The following TAS1R1 variants were observed in gnomAD, a reference collection of about 807,000 sequenced individuals.
TAS1R1 encodes taste receptor type 1 member 1.
A neutral mutation model predicts 45.8 loss-of-function variants in TAS1R1; 31 were observed. The ratio of observed to expected loss-of-function variants is 0.68; its 90% confidence interval spans 0.51 to 0.91. The LOEUF (loss-of-function observed/expected upper bound fraction) is 0.91. TAS1R1 is among the 40% of genes least tolerant of loss of function. TAS1R1 has a pLI of 0.00. For missense variants in TAS1R1, 1,051 were observed against 1,063.9 expected (o/e 0.99, Z 0.17); for synonymous variants, 437 against 448.4 (o/e 0.97, Z 0.32).
rs993023879 is a variant in TAS1R1 at position 6,574,107 on chromosome 1, T to A, written c.499-524T>A. On this transcript the variant is annotated intron_variant, in intron 2 of 5. Coordinates refer to ENST00000333172, the MANE Select transcript of TAS1R1 (RefSeq NM_138697.4). This position sits in a 1 kb window ranked among gnomAD's most constrained non-coding sequence, Gnocchi z 4.3. ...CAGATCATCAGACATTAGATTCTCATAAGTAGCGTGCAACCCAGATCCCTC... is the reference window on the plus strand; with the variant it reads ...CAGATCATCAGACATTAGATTCTCAAAAGTAGCGTGCAACCCAGATCCCTC... Among the ~76,000 whole-genome samples the A allele has an allele frequency of 5.3e-5, 8 of 152,192 alleles. No homozygotes were observed. Among genetic ancestry groups the A allele is most frequent in the Non-Finnish European group, 1.2e-4 (8 of 68,024 alleles).
intron 1 of TAS1R1, among the ~76,000 whole-genome samples, chr1:6,568,465 A>AG (rs1268861148): frequency 2.8e-4 from 43 of 151,810 alleles, no homozygotes; most frequent in South Asian, 4.2e-4. Flanking sequence ...AAAAAAGAAA[A>AG]AAAAAAAAAA....
intron 1 of TAS1R1, 76 bp downstream of exon 1, chr1:6,555,640 C>T: frequency 2.2e-6 from 3 of 1,366,568 alleles, no homozygotes; most frequent in Non-Finnish European, 3.0e-6. Flanking sequence ...ATCCTCCAAA[C>T]AGGACCTTGC....
intron 3 of TAS1R1, among the ~76,000 whole-genome samples, chr1:6,576,031 TG>T (rs1437399596): frequency 6.6e-6 from 1 of 151,916 alleles, no homozygotes; most frequent in Non-Finnish European, 1.5e-5. Flanking sequence ...GGTTTCACCA[TG>T]TTGGCCAGGC....
At chr1:6,573,720 T>A (rs1391143480) in intron 2 of TAS1R1, among the ~76,000 whole-genome samples, 6 of 151,988 alleles carry the variant, frequency 3.9e-5, no homozygotes, top group Non-Finnish European at 8.8e-5. Flanking sequence ...TGGAGTGCAG[T>A]GGCGCGATCT....
rs1640117486 is a variant in TAS1R1, at chr1:6,574,863, T to A, written c.731T>A (p.Ile244Asn). The A allele has an allele frequency of 6.2e-7, 1 of 1,614,140 alleles. No individual in the cohort carries two copies. The highest frequency in any genetic ancestry group is 1.1e-5 in the South Asian group (1 of 91,092). ...GGGATCTGCATTGCTTTCAAGGACATCATGCCCTTCTCTGCCCAGGTGGGC... is the reference window on the plus strand; with the variant it reads ...GGGATCTGCATTGCTTTCAAGGACAACATGCCCTTCTCTGCCCAGGTGGGC... ...GQGICIAFKD[I>N]MPFSAQVGDE... is the part of the protein sequence containing the mutation. The change falls in exon 3 of 6, where the codon ATC becomes AAC. Residue 244 changes from isoleucine to asparagine, a missense_variant. Coordinates refer to ENST00000333172, the MANE Select transcript of TAS1R1 (RefSeq NM_138697.4). This position sits in a 1 kb window ranked among gnomAD's most constrained non-coding sequence, Gnocchi z 4.3.
chr1:6,563,333 G>T (rs1045894520), intron 1 of TAS1R1, among the ~76,000 whole-genome samples: 7 of 152,218 alleles, frequency 4.6e-5, no homozygotes, highest in African/African-American at 1.7e-4. Flanking sequence ...CAGGGGCTTG[G>T]AAAGTCAGAC....
chr1:6,568,641 A>G (rs182763703), intron 1 of TAS1R1, among the ~76,000 whole-genome samples: 82 of 152,240 alleles, frequency 5.4e-4, no homozygotes, highest in Non-Finnish European at 8.1e-4. Flanking sequence ...AAGGCCTGCA[A>G]TGAGGCAGGT....
intron 2 of TAS1R1, among the ~76,000 whole-genome samples, chr1:6,571,965 T>TCTCTGTGC (rs1640029201): frequency 6.6e-6 from 1 of 152,154 alleles, no homozygotes; most frequent in Admixed American, 6.5e-5. Context: ...GTCAGTCCTG[T>TCTCTGTGC]CTCTGTGCTT....
chr1:6,566,056 G>T (rs1639867376), intron 1 of TAS1R1, among the ~76,000 whole-genome samples: 1 of 152,150 alleles, frequency 6.6e-6, no homozygotes. Context: ...GTTTAGAAGG[G>T]TAATAGTGTG....
At chr1:6,563,099 T>C (rs957388706) in intron 1 of TAS1R1, among the ~76,000 whole-genome samples, 5 of 152,238 alleles carry the variant, frequency 3.3e-5, no homozygotes, top group African/African-American at 9.6e-5. Flanking sequence ...TGAATGGCCA[T>C]ACAGCCTGTA....
intron 1 of TAS1R1, among the ~76,000 whole-genome samples, chr1:6,561,955 G>T (rs1639797491): frequency 6.6e-6 from 1 of 152,176 alleles, no homozygotes; most frequent in Non-Finnish European, 1.5e-5. Flanking sequence ...AGGCTGTGAA[G>T]GCCCCCAGCT....
chr1:6,573,352 G>T (rs1237731039), intron 2 of TAS1R1, among the ~76,000 whole-genome samples: 1 of 152,142 alleles, frequency 6.6e-6, no homozygotes, highest in African/African-American at 2.4e-5. Context: ...AGCTACTCAG[G>T]AGGCTGAGGC....
intron 1 of TAS1R1, among the ~76,000 whole-genome samples, chr1:6,565,773 T>C (rs187963452): frequency 2.6e-5 from 4 of 152,230 alleles, no homozygotes; most frequent in African/African-American, 9.6e-5. Flanking sequence ...TGAGAAGAAT[T>C]TAGAGGCCCA....
chr1:6,567,193 C>T (rs77545175), intron 1 of TAS1R1, among the ~76,000 whole-genome samples: 1,715 of 152,170 alleles, frequency 0.011, 23 homozygotes, highest in East Asian at 0.035. Flanking sequence ...GGCACATGGA[C>T]GCGAGATGAA....
intron 1 of TAS1R1, among the ~76,000 whole-genome samples, chr1:6,566,021 C>A (rs1304882578): frequency 1.3e-5 from 2 of 152,020 alleles, no homozygotes; most frequent in Non-Finnish European, 2.9e-5. Context: ...GAGGGGGAGA[C>A]CCCATATGCT....
At chr1:6,559,761 C>T (rs533961288) in intron 1 of TAS1R1, among the ~76,000 whole-genome samples, 14 of 150,468 alleles carry the variant, frequency 9.3e-5, no homozygotes, top group South Asian at 6.3e-4. Flanking sequence ...TGGGCCGAAG[C>T]GGATGGATCA....
chr1:6,577,902 G>A (rs992576165), intron 5 of TAS1R1, among the ~76,000 whole-genome samples: 3 of 152,184 alleles, frequency 2.0e-5, no homozygotes, highest in Admixed American at 2.0e-4. Context: ...TTAGAGAGCT[G>A]TCATCACAAC....
chr1:6,579,071 C>T lies in TAS1R1; in HGVS notation c.2013C>T (p.His671=), dbSNP rs547512169. 34 of 1,613,620 alleles carry T rather than the reference C, an allele frequency of 2.1e-5. No homozygotes were observed. The South Asian group carries it at 2.7e-4, about 13-fold the overall frequency. The part of the protein sequence containing the change: ...KFSTKVPTFY[H]AWVQNHGAGL... ...CCACCAAGGTACCTACATTCTACCA[C>T]GCCTGGGTCCAAAACCACGGTGCTG... Residue 671 remains histidine, a synonymous_variant, in exon 6 of 6, where the codon CAC becomes CAT. Coordinates refer to ENST00000333172, the MANE Select transcript of TAS1R1 (RefSeq NM_138697.4).
intron 2 of TAS1R1, among the ~76,000 whole-genome samples, chr1:6,571,825 T>A (rs1399008304): frequency 6.6e-6 from 1 of 151,848 alleles, no homozygotes; most frequent in African/African-American, 2.4e-5. Context: ...GTCCCCTCCA[T>A]CCTCCCCCCA....
Sources: gnomAD v4.1 joint callset for allele counts (sites outside exome capture counted in the v4.1 genomes callset) on GRCh38, gnomAD v4.1.1 for gene constraint, Gnocchi (gnomAD v3.1) non-coding constraint, MANE v1.5 for transcripts, NCBI Gene and HGNC (gene_info 2026-07-23, HGNC 2026-07-21) for gene names.